Variants in FHL5 observed in about 807,000 individuals in gnomAD.
The protein encoded by FHL5 is four and a half LIM domains 5.
A neutral mutation model predicts 32.0 loss-of-function variants in FHL5; 33 were observed. That is an observed-to-expected ratio of 1.03 (90% CI 0.78 to 1.38). FHL5 has a LOEUF of 1.38. Ranked by LOEUF, FHL5 falls within the 40% of genes most tolerant of loss-of-function variation. The probability of loss-of-function intolerance (pLI) is 0.00; values close to 1 mark genes in which losing one functional copy is unlikely to be tolerated. For synonymous variants in FHL5, 114 were observed against 113.6 expected, an observed-to-expected ratio of 1.00 and a Z score of -0.02; for missense variants, 336 against 343.9, an observed-to-expected ratio of 0.98 and a Z score of 0.18.
chr6:96,615,982 A>T lies in FHL5; in HGVS notation c.*210A>T. 2.6e-6 allele frequency: 1 copy of T among 379,398 alleles called. No homozygotes were observed. The highest frequency in any genetic ancestry group is 4.7e-6 in the Non-Finnish European group (1 of 213,432). 23.5% of individuals were successfully genotyped at this position (379,398 alleles called of 1,614,324 possible). A position where few individuals can be genotyped will look rare whatever the true frequency, so the allele number is the denominator to read the frequency against. On this transcript the variant is annotated 3_prime_UTR_variant, in exon 6 of 6. Transcript: ENST00000450218. ...TGAATATATGCTAAATCACAAAGACAACTCTCCTTGCAAAATACTGCACTC... is the reference window on the plus strand; with the variant it reads ...TGAATATATGCTAAATCACAAAGACTACTCTCCTTGCAAAATACTGCACTC...
At chr6:96,610,892 T>G in intron 5 of FHL5, 134 bp downstream of exon 5, 1 of 639,742 alleles carries the variant, frequency 1.6e-6, no homozygotes, top group Non-Finnish European at 2.7e-6. Context: ...TAAACACAAG[T>G]GGGTGCATAT....
intron 4 of FHL5, among the ~76,000 whole-genome samples, chr6:96,606,354 GTTGTT>G (rs1157947427): frequency 6.6e-6 from 1 of 151,506 alleles, no homozygotes; most frequent in Admixed American, 6.6e-5. Flanking sequence ...TGTTGTTGTT[GTTGTT>G]TTATTTTTTT....
At chr6:96,590,919 C>A (rs1234206885) in intron 1 of FHL5, among the ~76,000 whole-genome samples, 1 of 151,998 alleles carries the variant, frequency 6.6e-6, no homozygotes, top group East Asian at 1.9e-4. Flanking sequence ...ACTTGGCATT[C>A]CTAAAATGAA....
intron 1 of FHL5, among the ~76,000 whole-genome samples, chr6:96,578,942 T>C (rs1157616169): frequency 6.6e-6 from 1 of 152,214 alleles, no homozygotes; most frequent in African/African-American, 2.4e-5. Flanking sequence ...TGTAGATGTA[T>C]TTCATTTTTT....
chr6:96,615,801 T>C lies in FHL5; in HGVS notation c.*29T>C, dbSNP rs764089503. Reference sequence around the variant, plus strand: ...ACAGTCCTTGCCCACCTAAAATCCATTTTGCCTTCGTTGTCACTAAAGCCA... The same window carrying C: ...ACAGTCCTTGCCCACCTAAAATCCACTTTGCCTTCGTTGTCACTAAAGCCA... On this transcript the variant is annotated 3_prime_UTR_variant, in exon 6 of 6. Transcript: ENST00000450218. 1 of 1,535,428 alleles carries C rather than the reference T, an allele frequency of 6.5e-7. No individual in the cohort carries two copies. The highest frequency in any genetic ancestry group is 1.2e-5 in the South Asian group (1 of 80,252).
intron 5 of FHL5, among the ~76,000 whole-genome samples, chr6:96,611,999 G>A (rs546851422): frequency 1.3e-5 from 2 of 152,282 alleles, no homozygotes; most frequent in East Asian, 3.9e-4. Context: ...TGAGCAGACT[G>A]CCTCCACATT....
At chr6:96,597,578 AG>A (rs1562060871) in intron 1 of FHL5, among the ~76,000 whole-genome samples, 1 of 152,212 alleles carries the variant, frequency 6.6e-6, no homozygotes, top group African/African-American at 2.4e-5. Context: ...TATAGAAAAA[AG>A]TTCAAATCTA....
At chr6:96,583,963 T>C (rs1391752124) in intron 1 of FHL5, among the ~76,000 whole-genome samples, 1 of 152,176 alleles carries the variant, frequency 6.6e-6, no homozygotes, top group Non-Finnish European at 1.5e-5. Context: ...CGTATATGTG[T>C]TTTCATTAGT....
chr6:96,610,832 G>A, intron 5 of FHL5, 74 bp downstream of exon 5: 1 of 1,111,226 alleles, frequency 9.0e-7, no homozygotes. Flanking sequence ...AGTTAATTTA[G>A]GAAAAGCAAT....
intron 1 of FHL5, among the ~76,000 whole-genome samples, chr6:96,588,882 A>T (rs1391544205): frequency 1.1e-4 from 10 of 87,984 alleles, no homozygotes; most frequent in Middle Eastern, 7.6e-3. Context: ...CAATTCTTTT[A>T]AAAAAAAAGT....
At chr6:96,595,481 A>C (rs959570154) in intron 1 of FHL5, among the ~76,000 whole-genome samples, 8 of 151,684 alleles carry the variant, frequency 5.3e-5, no homozygotes, top group Non-Finnish European at 1.2e-4. Context: ...TATTAATGTC[A>C]TTAATTCTTG....
intron 1 of FHL5, among the ~76,000 whole-genome samples, chr6:96,570,906 TTTTA>T (rs1200303826): frequency 2.0e-5 from 3 of 152,130 alleles, no homozygotes; most frequent in Non-Finnish European, 4.4e-5. Context: ...TTTTTTCTTA[TTTTA>T]TTTAATTGTG....
At chr6:96,575,457 G>C (rs1254775863) in intron 1 of FHL5, among the ~76,000 whole-genome samples, 1 of 152,208 alleles carries the variant, frequency 6.6e-6, no homozygotes, top group African/African-American at 2.4e-5. Context: ...CTTCTTCCCA[G>C]AAGGAGTAGA....
At chr6:96,588,492 C>T (rs574677404) in intron 1 of FHL5, among the ~76,000 whole-genome samples, 20 of 152,352 alleles carry the variant, frequency 1.3e-4, no homozygotes, top group African/African-American at 4.3e-4. Context: ...TCAGCCACTG[C>T]GCCTGGCCTC....
At chr6:96,612,019 G>C (rs957218779) in intron 5 of FHL5, among the ~76,000 whole-genome samples, 3 of 152,132 alleles carry the variant, frequency 2.0e-5, no homozygotes, top group African/African-American at 7.2e-5. Flanking sequence ...TCCCCAGCAG[G>C]GTCACCATCA....
chr6:96,586,415 G>C (rs1770798178), intron 1 of FHL5, among the ~76,000 whole-genome samples: 1 of 152,154 alleles, frequency 6.6e-6, no homozygotes, highest in Non-Finnish European at 1.5e-5. Context: ...AAAGGATCTA[G>C]TTTGAGGCAA....
chr6:96,588,783 C>T (rs1404333193), intron 1 of FHL5, among the ~76,000 whole-genome samples: 1 of 151,714 alleles, frequency 6.6e-6, no homozygotes, highest in Non-Finnish European at 1.5e-5. Flanking sequence ...ATTTTGTTTT[C>T]TAACTCTCTT....
intron 1 of FHL5, among the ~76,000 whole-genome samples, chr6:96,588,117 A>G (rs1429708083): frequency 6.6e-6 from 1 of 152,210 alleles, no homozygotes; most frequent in Non-Finnish European, 1.5e-5. Flanking sequence ...GTATATGTTC[A>G]ATTTTACAAT....
At chr6:96,569,246 C>T (rs1770424860) in intron 1 of FHL5, among the ~76,000 whole-genome samples, 1 of 151,884 alleles carries the variant, frequency 6.6e-6, no homozygotes, top group African/African-American at 2.4e-5. Context: ...TGTATTTGTA[C>T]AATTTTTAAA....
Sources: allele counts gnomAD v4.1 joint callset (sites outside exome capture counted in the v4.1 genomes callset), GRCh38; gene constraint gnomAD v4.1.1; transcripts MANE v1.5; gene names NCBI Gene and HGNC (gene_info 2026-07-23, HGNC 2026-07-21).